AP3B1: variants seen among roughly 807,000 people sequenced by gnomAD.
AP3B1 encodes the protein adaptor related protein complex 3 subunit beta 1.
In AP3B1, 61 loss-of-function variants were observed where a neutral mutation model predicts 132.5. That is an observed-to-expected ratio of 0.46 (90% CI 0.37 to 0.57). The LOEUF (loss-of-function observed/expected upper bound fraction) is 0.57, where lower values mean the gene tolerates loss of function less well. Ranked by LOEUF, AP3B1 falls within the 20% of genes least tolerant of loss-of-function variation. AP3B1 has a pLI of 0.00. For missense variants in AP3B1, 1,120 were observed against 1,289.4 expected, an observed-to-expected ratio of 0.87 and a Z score of 2.01; for synonymous variants, 388 against 438.3, an observed-to-expected ratio of 0.89 and a Z score of 1.43.
At chr5:78,119,126 G>T (rs1752020835) in intron 17 of AP3B1, among the ~76,000 whole-genome samples, 1 of 152,110 alleles carries the variant, frequency 6.6e-6, no homozygotes, top group African/African-American at 2.4e-5. Context: ...TTCAGCTGAG[G>T]GTCCTGTCTG....
chr5:78,136,109 A>G (rs990297992), intron 15 of AP3B1, among the ~76,000 whole-genome samples: 3 of 152,148 alleles, frequency 2.0e-5, no homozygotes, highest in South Asian at 2.1e-4. Context: ...CCTAATAAGA[A>G]TACACTTTTT....
intron 2 of AP3B1, among the ~76,000 whole-genome samples, chr5:78,262,775 C>A (rs1210199087): frequency 6.6e-6 from 1 of 151,588 alleles, no homozygotes; most frequent in African/African-American, 2.4e-5. Flanking sequence ...TCACTCCAAG[C>A]GATACCACAA....
At chr5:78,178,519 G>C (rs560926877) in intron 8 of AP3B1, among the ~76,000 whole-genome samples, 1 of 152,270 alleles carries the variant, frequency 6.6e-6, no homozygotes, top group African/African-American at 2.4e-5. Flanking sequence ...CTACTTGGGA[G>C]GTTGGGACAC....
In AP3B1 at chr5:78,294,536, C is replaced by T; in HGVS notation, c.44G>A (p.Gly15Glu). The change falls in exon 1 of 27, where the codon GGG becomes GAG. Residue 15 changes from glycine (G) to glutamate (E), a missense_variant. Gly to Glu is a moderately conservative substitution (Grantham distance 98, BLOSUM62 -2). Coordinates refer to ENST00000255194, the MANE Select transcript of AP3B1 (RefSeq NM_003664.5). ...CTCCTGACCCAGCTCCGTCGCCTCCCCTCCTCCGGACTGCTCATTGTAAGG... is the reference window on the plus strand; with the variant it reads ...CTCCTGACCCAGCTCCGTCGCCTCCTCTCCTCCGGACTGCTCATTGTAAGG... ...SFPYNEQSGG[G>E]EATELGQEAT... The T allele has an allele frequency of 1.9e-6, 3 of 1,614,250 alleles. No individual in the cohort carries two copies. Among genetic ancestry groups the T allele is most frequent in the Non-Finnish European group, 2.5e-6 (3 of 1,180,052 alleles).
chr5:78,090,960 AT>A (rs1485944726), intron 21 of AP3B1, among the ~76,000 whole-genome samples: 2 of 144,734 alleles, frequency 1.4e-5, no homozygotes, highest in African/African-American at 2.6e-5. Flanking sequence ...TTTTTATTTT[AT>A]TTTTTTTTAG....
chr5:78,164,813 T>C (rs1743542023), intron 12 of AP3B1, among the ~76,000 whole-genome samples: 1 of 152,112 alleles, frequency 6.6e-6, no homozygotes, highest in African/African-American at 2.4e-5. Flanking sequence ...TACAGTGTCT[T>C]ATAACCAAGA....
chr5:78,141,424 A>AT, intron 14 of AP3B1, 105 bp from the exon 15 acceptor site: 4 of 820,264 alleles, frequency 4.9e-6, no homozygotes, highest in East Asian at 2.7e-5. Flanking sequence ...CTATTAATTA[A>AT]TTTAATGTAT....
At position 78,033,912 on chromosome 5, in the gene AP3B1, G is replaced by A. The variant is rs145911793; in HGVS notation, c.2894+449C>T. ...GAAAAAAAAAATGTGTGAGTTTTAGGTACTGATGGCATCAATAATATTCCA... is the reference window on the plus strand; with the variant it reads ...GAAAAAAAAAATGTGTGAGTTTTAGATACTGATGGCATCAATAATATTCCA... On this transcript the variant is annotated intron_variant, in intron 24 of 26. Coordinates refer to ENST00000255194, the MANE Select transcript of AP3B1 (RefSeq NM_003664.5). Among the ~76,000 whole-genome samples the A allele has an allele frequency of 3.4e-4, 51 of 151,970 alleles. No individual in the cohort carries two copies. In the East Asian group the frequency reaches 8.1e-3, roughly 24 times the overall value.
At chr5:78,054,089 G>A (rs1382928795) in intron 22 of AP3B1, among the ~76,000 whole-genome samples, 2 of 152,162 alleles carry the variant, frequency 1.3e-5, no homozygotes, top group African/African-American at 2.4e-5. Context: ...TTTTAATCTA[G>A]GCTAAACATA....
At chr5:78,076,815 T>G (rs773134717) in intron 22 of AP3B1, among the ~76,000 whole-genome samples, 3 of 152,204 alleles carry the variant, frequency 2.0e-5, no homozygotes, top group Non-Finnish European at 2.9e-5. Flanking sequence ...TCCATGCATA[T>G]TGCCAGATTT....
At chr5:78,232,719 T>C (rs7737902) in intron 3 of AP3B1, among the ~76,000 whole-genome samples, 41,559 of 152,068 alleles carry the variant, frequency 0.27, 5,893 homozygotes, top group Middle Eastern at 0.34. Flanking sequence ...TTCTTTCTTT[T>C]TTTTTTAGAC....
chr5:78,181,781 T>C (rs1744383433), intron 7 of AP3B1, 119 bp from the exon 8 acceptor site: 2 of 824,010 alleles, frequency 2.4e-6, no homozygotes, highest in Non-Finnish European at 3.8e-6. Flanking sequence ...AGAATACTTC[T>C]GTTTGGGCAA....
chr5:78,074,908 G>C (rs1287651999), intron 22 of AP3B1, among the ~76,000 whole-genome samples: 3 of 152,068 alleles, frequency 2.0e-5, no homozygotes, highest in Non-Finnish European at 4.4e-5. Flanking sequence ...ACTGCAGCCT[G>C]GGCAACAAAA....
At chr5:78,021,568 T>C (rs1228939194) in intron 24 of AP3B1, among the ~76,000 whole-genome samples, 2 of 152,118 alleles carry the variant, frequency 1.3e-5, no homozygotes, top group South Asian at 2.1e-4. Context: ...TAAATGATAG[T>C]AGTGTGTTTG....
At chr5:78,010,851 C>T (rs138416682) in intron 26 of AP3B1, among the ~76,000 whole-genome samples, 247 of 151,000 alleles carry the variant, frequency 1.6e-3, no homozygotes, top group African/African-American at 6.0e-3. Context: ...TGCATTAAGA[C>T]CTTCACAATG....
At chr5:78,073,615 A>G (rs950921889) in intron 22 of AP3B1, among the ~76,000 whole-genome samples, 2 of 152,190 alleles carry the variant, frequency 1.3e-5, no homozygotes, top group African/African-American at 4.8e-5. Flanking sequence ...ATTTATTTAC[A>G]TATTTTCACC....
chr5:78,216,043 T>A lies in AP3B1; in HGVS notation c.786+12A>T. 6.2e-7 allele frequency: 1 copy of A among 1,613,842 alleles called. No homozygotes were observed. Among genetic ancestry groups the A allele is most frequent in the Non-Finnish European group, 8.5e-7 (1 of 1,179,736 alleles). ...TAGTATACTTGAAAGTGGAAGACTGTTCAACACTTACCTCTTTCCAAGGGC... is the reference window on the plus strand; with the variant it reads ...TAGTATACTTGAAAGTGGAAGACTGATCAACACTTACCTCTTTCCAAGGGC... On this transcript the variant is annotated intron_variant, in intron 7 of 26. Coordinates refer to ENST00000255194, the MANE Select transcript of AP3B1 (RefSeq NM_003664.5).
chr5:78,244,429 A>AG (rs558200229), intron 2 of AP3B1, among the ~76,000 whole-genome samples: 343 of 142,068 alleles, frequency 2.4e-3, no homozygotes, highest in African/African-American at 0.01. Context: ...GAAAAAAAAA[A>AG]GAAGAAGGAC....
In AP3B1 at chr5:78,261,576, CT is replaced by C. The variant is rs1164300148; in HGVS notation, c.204+5943del. On this transcript the variant is annotated intron_variant, in intron 2 of 26. Coordinates refer to ENST00000255194, the MANE Select transcript of AP3B1 (RefSeq NM_003664.5). Reference sequence around the variant, plus strand: ...TGCCTTTCGGGTTCAAGCAATTCTCCTTCCTCAGTCTCTCAAGTAGCTGGGA... The same window carrying C: ...TGCCTTTCGGGTTCAAGCAATTCTCCTCCTCAGTCTCTCAAGTAGCTGGGA... 1.6e-4 allele frequency among the ~76,000 whole-genome samples: 24 copies of C among 152,326 alleles called. No homozygotes were observed. The South Asian group carries it at 1.7e-3, about 11-fold the overall frequency.
Sources: allele counts gnomAD v4.1 joint callset (sites outside exome capture counted in the v4.1 genomes callset), GRCh38; gene constraint gnomAD v4.1.1; transcripts MANE v1.5; gene names NCBI Gene and HGNC (gene_info 2026-07-23, HGNC 2026-07-21).